The following TRPC1 variants were observed in gnomAD, a reference collection of about 807,000 sequenced individuals.
TRPC1 encodes the protein short transient receptor potential channel 1.
Under a neutral mutation model 88.2 loss-of-function variants are expected in TRPC1, and 42 were observed. The observed-to-expected ratio is 0.48, with a 90% confidence interval of 0.37 to 0.62. The LOEUF (loss-of-function observed/expected upper bound fraction) is 0.62. Ranked by LOEUF, TRPC1 falls within the 20% of genes least tolerant of loss-of-function variation. The pLI, the probability that TRPC1 is intolerant of heterozygous loss-of-function variation, is 0.00. For synonymous variants in TRPC1, 288 were observed against 331.8 expected (o/e 0.87, Z 1.43); for missense variants, 699 against 957.3 (o/e 0.73, Z 3.56).
intron 1 of TRPC1, among the ~76,000 whole-genome samples, chr3:142,730,822 C>G (rs1434813014): frequency 5.3e-5 from 8 of 152,052 alleles, no homozygotes; most frequent in Non-Finnish European, 1.2e-4. Flanking sequence ...GTTGCAATTG[C>G]CACACTCAGG....
chr3:142,742,434 A>T (rs1934386858), intron 2 of TRPC1, among the ~76,000 whole-genome samples: 2 of 151,808 alleles, frequency 1.3e-5, no homozygotes, highest in African/African-American at 4.8e-5. Context: ...TTGAGTGAGG[A>T]CTCCAACCCT....
Position 142,780,962 on chromosome 3 carries a change from G to A in TRPC1, c.893G>A (p.Arg298Gln), listed in dbSNP as rs1935940173. ...HTSSDEPLDK[R>Q]GLLEERMNLS... is the part of the protein sequence containing the mutation. ...TCTAGTGACGAGCCTCTTGACAAAC[G>A]GGGATTATTAGAAGAAAGAATGAAT... Residue 298 changes from arginine (R) to glutamine (Q), a missense_variant, in exon 6 of 13, where the codon CGG (arginine) becomes CAG (glutamine). Physicochemically the swap from Arg to Gln is conservative, Grantham distance 43. Around this residue, in one of 4 missense-constraint regions of TRPC1, gnomAD observed 426 missense variants for 641.3 expected, o/e 0.66. Transcript: ENST00000476941. 2.5e-6 allele frequency: 4 copies of A among 1,613,596 alleles called. No homozygotes were observed. Among genetic ancestry groups the A allele is most frequent in the African/African-American group, 1.3e-5 (1 of 74,914 alleles).
chr3:142,801,010 C>T (rs1159309342), intron 9 of TRPC1, among the ~76,000 whole-genome samples: 1 of 151,702 alleles, frequency 6.6e-6, no homozygotes, highest in Non-Finnish European at 1.5e-5. Flanking sequence ...TGTAAACTTC[C>T]AGAAACTTCC....
At chr3:142,740,899 G>A (rs754160613) in intron 2 of TRPC1, among the ~76,000 whole-genome samples, 2 of 152,158 alleles carry the variant, frequency 1.3e-5, no homozygotes, top group Non-Finnish European at 2.9e-5. Flanking sequence ...GGAGGTGGGA[G>A]ATTAGACTGG....
chr3:142,748,488 G>GA (rs750156167), intron 4 of TRPC1, 28 bp downstream of exon 4: 3 of 1,597,118 alleles, frequency 1.9e-6, no homozygotes, highest in Non-Finnish European at 2.6e-6. Context: ...TTGATAAATA[G>GA]ATGTGTGATA....
chr3:142,765,512 A>T (rs914373941), intron 4 of TRPC1, among the ~76,000 whole-genome samples: 4 of 152,098 alleles, frequency 2.6e-5, no homozygotes, highest in African/African-American at 9.7e-5. Flanking sequence ...CCAGAAATAA[A>T]GCTGCACCCC....
At chr3:142,801,420 A>C (rs1432900599) in intron 9 of TRPC1, among the ~76,000 whole-genome samples, 2 of 152,146 alleles carry the variant, frequency 1.3e-5, no homozygotes, top group Admixed American at 1.3e-4. Context: ...TAGGGATAGA[A>C]TTGCTGGGTC....
intron 2 of TRPC1, among the ~76,000 whole-genome samples, chr3:142,736,827 C>T (rs964436264): frequency 6.6e-6 from 1 of 152,056 alleles, no homozygotes; most frequent in African/African-American, 2.4e-5. Flanking sequence ...ACTTTGTTTT[C>T]ATTACCTATG....
rs1482674188 is a variant in TRPC1, at chr3:142,724,234, C to G, written c.-326C>G. ...GCCCCTGCGACTCCTGGCACGGCCC[C>G]GTGCTCGGCTGCCGCCCTGGCGCGC... On this transcript the variant is annotated 5_prime_UTR_variant, in exon 1 of 13. Coordinates refer to ENST00000476941, the MANE Select transcript of TRPC1 (RefSeq NM_001251845.2). This position sits in a 1 kb window ranked among gnomAD's most constrained non-coding sequence, Gnocchi z 5.6. The G allele has an allele frequency of 6.4e-6, 1 of 156,180 alleles. No individual in the cohort carries two copies. The highest frequency in any genetic ancestry group is 1.4e-5 in the Non-Finnish European group (1 of 70,754). The allele number at this position is 156,180 out of a possible 1,614,324, so 9.7% of individuals were successfully genotyped here. A position where few individuals can be genotyped will look rare whatever the true frequency, so the allele number is the denominator to read the frequency against.
chr3:142,739,040 C>T (rs1349324388), intron 2 of TRPC1, among the ~76,000 whole-genome samples: 1 of 152,004 alleles, frequency 6.6e-6, no homozygotes, highest in Non-Finnish European at 1.5e-5. Context: ...GGCGTGATCT[C>T]GGCTCACTGC....
intron 4 of TRPC1, among the ~76,000 whole-genome samples, 178 bp from the exon 5 acceptor site, chr3:142,777,454 A>T (rs556517006): frequency 1.3e-4 from 20 of 152,310 alleles, no homozygotes; most frequent in African/African-American, 4.8e-4. Flanking sequence ...TTCAATATTT[A>T]TATCTCAAAA....
At chr3:142,804,937 CT>C (rs1350589398) in intron 12 of TRPC1, among the ~76,000 whole-genome samples, 2 of 152,004 alleles carry the variant, frequency 1.3e-5, no homozygotes, top group African/African-American at 4.8e-5. Flanking sequence ...CCCATCTCTA[CT>C]AAAAACACAA....
intron 1 of TRPC1, among the ~76,000 whole-genome samples, chr3:142,732,836 T>C (rs574898013): frequency 6.6e-6 from 1 of 152,350 alleles, no homozygotes; most frequent in Admixed American, 6.5e-5. Context: ...GGCATTTATA[T>C]ATTTGTCTGT....
At position 142,791,272 on chromosome 3, in the gene TRPC1, T is replaced by G. The variant is rs1936288559; in HGVS notation, c.1437+114T>G. 7.3e-6 allele frequency: 7 copies of G among 952,722 alleles called. No individual in the cohort carries two copies. The South Asian group carries it at 1.6e-4, about 22-fold the overall frequency. The allele number at this position is 952,722 out of a possible 1,614,324, so 59.0% of individuals were successfully genotyped here. A position where few individuals can be genotyped will look rare whatever the true frequency, so the allele number is the denominator to read the frequency against. Reference sequence around the variant, plus strand: ...TGAGCCAGATCAGTGTCTGGTGTGTTTTCATTTTAAGCCTATCTGTGTGCA... The same window carrying G: ...TGAGCCAGATCAGTGTCTGGTGTGTGTTCATTTTAAGCCTATCTGTGTGCA... On this transcript the variant is annotated intron_variant, in intron 8 of 12. Coordinates refer to ENST00000476941, the MANE Select transcript of TRPC1 (RefSeq NM_001251845.2).
At position 142,724,414 on chromosome 3, in the gene TRPC1, T is replaced by C; in HGVS notation, c.-146T>C. 1 of 719,018 alleles carries C rather than the reference T, an allele frequency of 1.4e-6. No homozygotes were observed. The highest frequency in any genetic ancestry group is 2.1e-6 in the Non-Finnish European group (1 of 482,328). The allele number at this position is 719,018 out of a possible 1,614,324, so 44.5% of individuals were successfully genotyped here. A position where few individuals can be genotyped will look rare whatever the true frequency, so the allele number is the denominator to read the frequency against. Reference sequence around the variant, plus strand: ...TGGTTCTCAGGGGAGGCGACGCCCTTCGGGGCCAACGGGCCTCGAGCCGAG... The same window carrying C: ...TGGTTCTCAGGGGAGGCGACGCCCTCCGGGGCCAACGGGCCTCGAGCCGAG... On this transcript the variant is annotated 5_prime_UTR_variant, in exon 1 of 13. Transcript: ENST00000476941. This position sits in a 1 kb window ranked among gnomAD's most constrained non-coding sequence, Gnocchi z 5.6.
At position 142,724,805 on chromosome 3, in the gene TRPC1, T is replaced by C; in HGVS notation, c.172+74T>C. 7.0e-7 allele frequency: 1 copy of C among 1,427,860 alleles called. No homozygotes were observed. Among genetic ancestry groups the C allele is most frequent in the South Asian group, 1.5e-5 (1 of 66,082 alleles). 88.4% of individuals were successfully genotyped at this position (1,427,860 alleles called of 1,614,324 possible). A position where few individuals can be genotyped will look rare whatever the true frequency, so the allele number is the denominator to read the frequency against. On this transcript the variant is annotated intron_variant, in intron 1 of 12. Coordinates refer to ENST00000476941, the MANE Select transcript of TRPC1 (RefSeq NM_001251845.2). This position sits in a 1 kb window ranked among gnomAD's most constrained non-coding sequence, Gnocchi z 5.6. ...TTTAGTCCTCTCCCCCGCCTCAACTTATATCGGGGCATTCCCTCTGTCTCA... is the reference window on the plus strand; with the variant it reads ...TTTAGTCCTCTCCCCCGCCTCAACTCATATCGGGGCATTCCCTCTGTCTCA...
At chr3:142,796,805 G>T (rs896408027) in intron 9 of TRPC1, among the ~76,000 whole-genome samples, 1 of 152,114 alleles carries the variant, frequency 6.6e-6, no homozygotes, top group Non-Finnish European at 1.5e-5. Flanking sequence ...ACTGAATCTG[G>T]CATTTAAAGT....
At chr3:142,729,940 T>A (rs1485142786) in intron 1 of TRPC1, among the ~76,000 whole-genome samples, 1 of 152,144 alleles carries the variant, frequency 6.6e-6, no homozygotes, top group African/African-American at 2.4e-5. Flanking sequence ...ATGTATAAAG[T>A]GGGGGTGACT....
chr3:142,741,006 T>G (rs550190816), intron 2 of TRPC1, among the ~76,000 whole-genome samples: 1 of 152,040 alleles, frequency 6.6e-6, no homozygotes, highest in South Asian at 2.1e-4. Flanking sequence ...AATACGTAAC[T>G]TTTTTACTCT....
Sources: allele counts gnomAD v4.1 joint callset (sites outside exome capture counted in the v4.1 genomes callset), GRCh38; gene constraint gnomAD v4.1.1; regional missense constraint gnomAD v4.1.1; non-coding constraint Gnocchi (gnomAD v3.1); transcripts MANE v1.5; gene names NCBI Gene and HGNC (gene_info 2026-07-23, HGNC 2026-07-21).